PPFIA2: variants seen among roughly 807,000 people sequenced by gnomAD.
PPFIA2 encodes the protein PPFI scaffold protein A2, also known as liprin-alpha-2.
A neutral mutation model predicts 175.5 loss-of-function variants in PPFIA2; 46 were observed. That is an observed-to-expected ratio of 0.26 (90% CI 0.21 to 0.34). The LOEUF (loss-of-function observed/expected upper bound fraction) is 0.34. Among genes scored for constraint, PPFIA2 ranks in the 10% least tolerant of loss-of-function variants. The pLI, the probability that PPFIA2 is intolerant of heterozygous loss-of-function variation, is 1.00. For synonymous variants in PPFIA2, 568 were observed against 511.4 expected (o/e 1.11, Z -1.49); for missense variants, 1,179 against 1,506.1 (o/e 0.78, Z 3.60).
chr12:81,697,787 G>A (rs898614156), intron 3 of PPFIA2, among the ~76,000 whole-genome samples: 1 of 152,054 alleles, frequency 6.6e-6, no homozygotes, highest in Non-Finnish European at 1.5e-5. Context: ...ATCAATCAGT[G>A]TCTGCATATG....
intron 4 of PPFIA2, among the ~76,000 whole-genome samples, chr12:81,482,122 C>A (rs1368415899): frequency 2.6e-5 from 4 of 151,244 alleles, no homozygotes; most frequent in African/African-American, 9.7e-5. Context: ...ATGCGGCCAA[C>A]AAACATGAAA....
At chr12:81,280,619 AT>A (rs1160539312) in intron 27 of PPFIA2, among the ~76,000 whole-genome samples, 1 of 152,136 alleles carries the variant, frequency 6.6e-6, no homozygotes, top group Non-Finnish European at 1.5e-5. Context: ...TAACATAAAC[AT>A]AGCATTTATG....
intron 4 of PPFIA2, among the ~76,000 whole-genome samples, chr12:81,565,382 A>T (rs1031318578): frequency 6.6e-6 from 1 of 152,104 alleles, no homozygotes; most frequent in Non-Finnish European, 1.5e-5. Flanking sequence ...TCAGACTCCA[A>T]GTTCTTCAGT....
At chr12:81,319,307 T>G (rs2053148022) in intron 22 of PPFIA2, among the ~76,000 whole-genome samples, 1 of 151,770 alleles carries the variant, frequency 6.6e-6, no homozygotes. Context: ...ACTAACAAAT[T>G]TCAGTGCATT....
chr12:81,620,856 C>A (rs1439203408), intron 4 of PPFIA2, among the ~76,000 whole-genome samples: 1 of 152,056 alleles, frequency 6.6e-6, no homozygotes, highest in Non-Finnish European at 1.5e-5. Flanking sequence ...CACTGAGATA[C>A]CCATGTAAAA....
intron 4 of PPFIA2, among the ~76,000 whole-genome samples, chr12:81,475,419 T>C (rs2057348249): frequency 6.6e-6 from 1 of 152,242 alleles, no homozygotes; most frequent in Non-Finnish European, 1.5e-5. Flanking sequence ...AAAACTGTTA[T>C]TCTGTAAACA....
chr12:81,320,586 T>C (rs895479994), intron 22 of PPFIA2, among the ~76,000 whole-genome samples: 1 of 152,068 alleles, frequency 6.6e-6, no homozygotes, highest in Non-Finnish European at 1.5e-5. Flanking sequence ...ATTCGTATGA[T>C]ATCTTTCAAC....
intron 4 of PPFIA2, among the ~76,000 whole-genome samples, chr12:81,537,072 G>A (rs182282799): frequency 6.6e-6 from 1 of 151,544 alleles, no homozygotes; most frequent in Non-Finnish European, 1.5e-5. Context: ...AGCAGAAGGA[G>A]AATTACAAAA....
chr12:81,384,840 T>C (rs534036847), intron 8 of PPFIA2, among the ~76,000 whole-genome samples: 3 of 152,260 alleles, frequency 2.0e-5, no homozygotes, highest in Admixed American at 2.0e-4. Context: ...AAATCATGTG[T>C]GCACACAACT....
intron 3 of PPFIA2, among the ~76,000 whole-genome samples, chr12:81,733,900 T>C (rs1158803596): frequency 3.3e-5 from 5 of 151,744 alleles, no homozygotes; most frequent in Non-Finnish European, 5.9e-5. Flanking sequence ...GTAACCTACA[T>C]GTTACATTGC....
In PPFIA2 at chr12:81,341,330, C is replaced by G. The variant is rs1285450365; in HGVS notation, c.2263-122G>C. The G allele has an allele frequency of 7.3e-6, 7 of 964,988 alleles. No individual in the cohort carries two copies. The Admixed American group carries it at 1.5e-4, about 20-fold the overall frequency. The allele number at this position is 964,988 out of a possible 1,614,324, so 59.8% of individuals were successfully genotyped here. ...TTTAATACAAAATAAAACAACAAAA[C>G]TTGGGGCATTTAAGTCTTACATACA... On this transcript the variant is annotated intron_variant, in intron 19 of 32. Transcript: ENST00000549396.
At chr12:81,544,264 T>C (rs1348447626) in intron 4 of PPFIA2, among the ~76,000 whole-genome samples, 1 of 152,160 alleles carries the variant, frequency 6.6e-6, no homozygotes, top group Non-Finnish European at 1.5e-5. Flanking sequence ...GTTGATTTTC[T>C]CAGCAGATAA....
At chr12:81,356,600 C>T (rs77130208) in intron 16 of PPFIA2, among the ~76,000 whole-genome samples, 9,223 of 151,962 alleles carry the variant, frequency 0.061, 355 homozygotes, top group African/African-American at 0.11. Context: ...GAATTCAAGG[C>T]TGCAATGAGC....
At chr12:81,322,235 G>A (rs1003085305) in intron 22 of PPFIA2, among the ~76,000 whole-genome samples, 10 of 152,088 alleles carry the variant, frequency 6.6e-5, no homozygotes, top group African/African-American at 2.4e-4. Context: ...TTAAATATGA[G>A]GGCGAAAGGT....
chr12:81,514,728 A>T (rs994305690), intron 4 of PPFIA2, among the ~76,000 whole-genome samples: 1 of 151,952 alleles, frequency 6.6e-6, no homozygotes, highest in Non-Finnish European at 1.5e-5. Flanking sequence ...TTATACAATG[A>T]TAAAGTTGAT....
At chr12:81,283,576 C>G (rs1392180666) in intron 25 of PPFIA2, among the ~76,000 whole-genome samples, 1 of 151,920 alleles carries the variant, frequency 6.6e-6, no homozygotes, top group Non-Finnish European at 1.5e-5. Context: ...TTATCCTTAA[C>G]AAACTTGTAG....
At chr12:81,422,088 GTATATATA>G (rs1421754345) in intron 7 of PPFIA2, among the ~76,000 whole-genome samples, 12 of 123,610 alleles carry the variant, frequency 9.7e-5, no homozygotes, top group African/African-American at 3.8e-4. Context: ...ATATATATGT[GTATATATA>G]TGTGTGTATA....
At chr12:81,435,571 G>GGAGAGAGAGAAAGAGAGA (rs2048830162) in intron 7 of PPFIA2, among the ~76,000 whole-genome samples, 1 of 151,772 alleles carries the variant, frequency 6.6e-6, no homozygotes, top group Non-Finnish European at 1.5e-5. Flanking sequence ...GGTGGGAGGA[G>GGAGAGAGAGAAAGAGAGA]GAGAGAGAGA....
intron 6 of PPFIA2, among the ~76,000 whole-genome samples, chr12:81,443,845 C>CT (rs1183160145): frequency 0.13 from 9,277 of 71,332 alleles, 2,882 homozygotes; most frequent in African/African-American, 0.16. Flanking sequence ...GCCAACCTTT[C>CT]TTTTTTTTTT....
Sources: allele counts gnomAD v4.1 joint callset (sites outside exome capture counted in the v4.1 genomes callset), GRCh38; gene constraint gnomAD v4.1.1; transcripts MANE v1.5; gene names NCBI Gene and HGNC (gene_info 2026-07-23, HGNC 2026-07-21).